CLINT1: variants seen among roughly 807,000 people sequenced by gnomAD.
CLINT1 encodes clathrin interactor 1.
CLINT1 carries 15 observed loss-of-function variants against 70.4 expected under a neutral mutation model. The ratio of observed to expected loss-of-function variants is 0.21; its 90% CI spans 0.14 to 0.33. The LOEUF (loss-of-function observed/expected upper bound fraction) is 0.33, where lower values mean the gene tolerates loss of function less well. Among genes scored for constraint, CLINT1 ranks in the 10% least tolerant of loss-of-function variants. The pLI, the probability that CLINT1 is intolerant of heterozygous loss-of-function variation, is 1.00. For missense variants in CLINT1, 615 were observed against 778.1 expected (o/e 0.79, Z 2.49); for synonymous variants, 227 against 254.7 (o/e 0.89, Z 1.04).
chr5:157,809,976 C>T (rs1480712751), intron 5 of CLINT1, among the ~76,000 whole-genome samples, 171 bp from the exon 6 acceptor site: 1 of 152,120 alleles, frequency 6.6e-6, no homozygotes, highest in Non-Finnish European at 1.5e-5. Flanking sequence ...GCATGTAATG[C>T]CAGTCATTAA....
chr5:157,832,335 G>A (rs1362293059), intron 1 of CLINT1, among the ~76,000 whole-genome samples: 1 of 152,118 alleles, frequency 6.6e-6, no homozygotes, highest in Non-Finnish European at 1.5e-5. Flanking sequence ...AGTAAATAAA[G>A]GTAAATTTGA....
chr5:157,811,631 G>C (rs986713773), intron 5 of CLINT1, among the ~76,000 whole-genome samples: 1 of 151,996 alleles, frequency 6.6e-6, no homozygotes. Flanking sequence ...TTAGCAAAAG[G>C]ATGTGATGCA....
At position 157,809,754 on chromosome 5, in the gene CLINT1, T is replaced by C; in HGVS notation, c.569A>G (p.Lys190Arg). The change falls in exon 6 of 12, where the codon AAA (lysine) becomes AGA (arginine). Residue 190 changes from lysine (K) to arginine (R), a missense_variant. Lys to Arg is a conservative substitution (Grantham distance 26, BLOSUM62 2). Coordinates refer to ENST00000411809, the MANE Select transcript of CLINT1 (RefSeq NM_014666.4). The stretch of plus-strand genomic sequence containing the variant: ...ACTGAATGGAAAAGCACTCTTGTTT[T>C]TATCCCACTCCTCATCCCATTTTGA... Reference protein sequence around the residue: ...PKSKWDEEWDKNKSAFPFSDK... With the variant: ...PKSKWDEEWDRNKSAFPFSDK... The C allele has an allele frequency of 6.2e-7, 1 of 1,613,544 alleles. No homozygotes were observed. The highest frequency in any genetic ancestry group is 8.5e-7 in the Non-Finnish European group (1 of 1,179,632).
intron 11 of CLINT1, among the ~76,000 whole-genome samples, chr5:157,788,946 G>A (rs183133961): frequency 9.0e-4 from 122 of 135,438 alleles, no homozygotes; most frequent in Non-Finnish European, 1.3e-3. Context: ...TAGCCTGGGC[G>A]ACAGAGCAAG....
intron 10 of CLINT1, chr5:157,790,235 G>T: frequency 6.0e-6 from 1 of 165,400 alleles, no homozygotes. Context: ...TTCAGGATAT[G>T]ATGTCTCACA....
intron 1 of CLINT1, among the ~76,000 whole-genome samples, chr5:157,827,474 T>C (rs1388399231): frequency 6.6e-6 from 1 of 152,128 alleles, no homozygotes; most frequent in Admixed American, 6.6e-5. Context: ...TAAACCAGGA[T>C]AGTGGTGGGA....
chr5:157,832,402 T>C (rs1763275477), intron 1 of CLINT1, among the ~76,000 whole-genome samples: 1 of 152,204 alleles, frequency 6.6e-6, no homozygotes, highest in African/African-American at 2.4e-5. Flanking sequence ...CTCAGGGGCA[T>C]ATCATAAAGC....
chr5:157,846,807 T>C (rs1444545361), intron 1 of CLINT1, among the ~76,000 whole-genome samples: 1 of 152,188 alleles, frequency 6.6e-6, no homozygotes, highest in East Asian at 1.9e-4. Flanking sequence ...CTGGGGCCCT[T>C]AAGAATTATG....
At position 157,790,003 on chromosome 5, in the gene CLINT1, C is replaced by G. The variant is rs1239218018; in HGVS notation, c.1381-490G>C. The G allele has an allele frequency of 4.0e-5, 7 of 173,384 alleles. No individual in the cohort carries two copies. The East Asian group carries it at 9.9e-4, about 24-fold the overall frequency. 10.7% of individuals were successfully genotyped at this position (173,384 alleles called of 1,614,324 possible). A position where few individuals can be genotyped will look rare whatever the true frequency, so the allele number is the denominator to read the frequency against. On this transcript the variant is annotated intron_variant, in intron 10 of 11. Transcript: ENST00000411809. ...ATCACCTGAGGTCAGAAGTTCAAGA[C>G]CAGACTGGCCAACAGGATGAAACCC...
chr5:157,836,347 T>A lies in CLINT1; in HGVS notation c.42-18800A>T, dbSNP rs190348911. Among the ~76,000 whole-genome samples, 88 of 152,332 alleles carry A rather than the reference T, an allele frequency of 5.8e-4. 1 individual carries two copies. Among genetic ancestry groups the A allele is most frequent in the African/African-American group, 2.1e-3 (87 of 41,584 alleles). On this transcript the variant is annotated intron_variant, in intron 1 of 11. Coordinates refer to ENST00000411809, the MANE Select transcript of CLINT1 (RefSeq NM_014666.4). The stretch of plus-strand genomic sequence containing the variant: ...TATCTCACTAGAGGTCACACAACCA[T>A]TAACTGTCAAAACATGAACCCAGGC...
At chr5:157,816,214 T>C (rs887521492) in intron 3 of CLINT1, among the ~76,000 whole-genome samples, 3 of 152,168 alleles carry the variant, frequency 2.0e-5, no homozygotes, top group Non-Finnish European at 2.9e-5. Context: ...TGGTAGGTTA[T>C]AGAAGCATAG....
Position 157,830,835 on chromosome 5 carries a change from G to A in CLINT1, c.42-13288C>T, listed in dbSNP as rs115472003. On this transcript the variant is annotated intron_variant, in intron 1 of 11. Transcript: ENST00000411809. ...ATATATAGAAACACATTTAAGCCTG[G>A]GCAACAGAGTGAGACCTCCATCTCT... is the stretch of plus-strand genomic sequence containing the variant. Among the ~76,000 whole-genome samples the A allele has an allele frequency of 5.4e-3, 725 of 134,270 alleles. 8 individuals are homozygous for A. Among genetic ancestry groups the A allele is most frequent in the African/African-American group, 0.02 (688 of 35,056 alleles). The allele number at this position is 134,270 out of a possible 152,430, so 88.1% of individuals were successfully genotyped here. A position where few individuals can be genotyped will look rare whatever the true frequency, so the allele number is the denominator to read the frequency against.
At chr5:157,794,577 A>C (rs1209411832) in intron 9 of CLINT1, among the ~76,000 whole-genome samples, 2 of 152,194 alleles carry the variant, frequency 1.3e-5, no homozygotes, top group African/African-American at 4.8e-5. Flanking sequence ...ACAAACTATA[A>C]TATTCTTGCT....
chr5:157,805,577 A>C (rs1561644677), intron 7 of CLINT1, among the ~76,000 whole-genome samples: 1 of 152,204 alleles, frequency 6.6e-6, no homozygotes, highest in Non-Finnish European at 1.5e-5. Context: ...GTTGGTAACC[A>C]GTATTGTCTA....
intron 1 of CLINT1, among the ~76,000 whole-genome samples, chr5:157,827,451 C>CA (rs932927718): frequency 2.4e-4 from 37 of 151,744 alleles, no homozygotes; most frequent in African/African-American, 5.6e-4. Flanking sequence ...TGATCCAAAA[C>CA]AAAAAAAATA....
chr5:157,801,256 C>T (rs1273343860), intron 8 of CLINT1, among the ~76,000 whole-genome samples: 1 of 152,156 alleles, frequency 6.6e-6, no homozygotes, highest in Non-Finnish European at 1.5e-5. Flanking sequence ...CCTGTAATCC[C>T]AGCACTTTGG....
chr5:157,823,233 C>T (rs190824163), intron 1 of CLINT1, among the ~76,000 whole-genome samples: 1 of 152,176 alleles, frequency 6.6e-6, no homozygotes, highest in Non-Finnish European at 1.5e-5. Context: ...TAACTTAGTT[C>T]CAAGCAACAG....
At position 157,791,791 on chromosome 5, in the gene CLINT1, T is replaced by G. The variant is rs1418871100; in HGVS notation, c.1292A>C (p.Gln431Pro). 1.2e-6 allele frequency: 2 copies of G among 1,614,004 alleles called. No individual in the cohort carries two copies. Among genetic ancestry groups the G allele is most frequent in the Admixed American group, 3.3e-5 (2 of 60,030 alleles). ...SDLFDLMGSS[Q>P]ATMTSSQSMN... ...ACTCTGGGAAGATGTCATGGTTGCC[T>G]GGGACGAGCCCATAAGATCAAACAG... The change falls in exon 10 of 12, where the codon CAG becomes CCG. Residue 431 changes from glutamine to proline, a missense_variant. Coordinates refer to ENST00000411809, the MANE Select transcript of CLINT1 (RefSeq NM_014666.4).
chr5:157,858,849 C>T, intron 1 of CLINT1, 81 bp downstream of exon 1: 7 of 1,391,234 alleles, frequency 5.0e-6, no homozygotes, highest in Non-Finnish European at 6.9e-6. Flanking sequence ...ACGTGGGCAA[C>T]CCCTAGCCCA....
Sources: allele counts gnomAD v4.1 joint callset (sites outside exome capture counted in the v4.1 genomes callset), GRCh38; gene constraint gnomAD v4.1.1; transcripts MANE v1.5; gene names NCBI Gene and HGNC (gene_info 2026-07-23, HGNC 2026-07-21).